ABL1: variants seen among roughly 807,000 people sequenced by gnomAD.
ABL1 encodes tyrosine-protein kinase ABL1.
Under a neutral mutation model 94.7 loss-of-function variants are expected in ABL1, and 11 were observed. The observed-to-expected ratio is 0.12, with a 90% CI of 0.07 to 0.19. The LOEUF (loss-of-function observed/expected upper bound fraction) is 0.19, where lower values mean the gene tolerates loss of function less well. Ranked by LOEUF, ABL1 falls within the 10% of genes least tolerant of loss-of-function variation. ABL1 has a pLI of 1.00. For synonymous variants in ABL1, 656 were observed against 622.4 expected (o/e 1.05, Z -0.80); for missense variants, 1,082 against 1,489.4 (o/e 0.73, Z 4.50).
In ABL1 at chr9:130,787,326, C is replaced by T. The variant is rs114025311; in HGVS notation, c.137-66738C>T. ...GCATTGTGTGCTTTCACCCTCCATGCCACCTGGACTCTGCCTTCTGTGTGT... is the reference window on the plus strand; with the variant it reads ...GCATTGTGTGCTTTCACCCTCCATGTCACCTGGACTCTGCCTTCTGTGTGT... On this transcript the variant is annotated intron_variant, in intron 1 of 10. Transcript: ENST00000372348. Among the ~76,000 whole-genome samples, 1,168 of 152,206 alleles carry T rather than the reference C, an allele frequency of 7.7e-3. 17 individuals are homozygous for T. The highest frequency in any genetic ancestry group is 0.026 in the African/African-American group (1,089 of 41,518).
intron 1 of ABL1, among the ~76,000 whole-genome samples, chr9:130,820,005 T>C (rs1402210009): frequency 6.6e-6 from 1 of 151,984 alleles, no homozygotes. Flanking sequence ...CTCTATACCC[T>C]ATCTTTGGTG....
chr9:130,838,492 T>C (rs2132922283), intron 1 of ABL1, among the ~76,000 whole-genome samples: 1 of 152,340 alleles, frequency 6.6e-6, no homozygotes, highest in African/African-American at 2.4e-5. Flanking sequence ...TAATTCCCTC[T>C]CCTATTCATT....
intron 1 of ABL1, among the ~76,000 whole-genome samples, chr9:130,748,800 C>T (rs943052629): frequency 6.6e-6 from 1 of 152,166 alleles, no homozygotes; most frequent in South Asian, 2.1e-4. Context: ...TGGTCTCGAA[C>T]TCCTGACCTC....
intron 1 of ABL1, among the ~76,000 whole-genome samples, chr9:130,799,310 T>C (rs1830024846): frequency 1.3e-5 from 2 of 152,174 alleles, no homozygotes; most frequent in Non-Finnish European, 2.9e-5. Context: ...GAAAGGGCCA[T>C]GGGAAAGAAT....
chr9:130,884,315 G>A lies in ABL1; in HGVS notation c.2025G>A (p.Glu675=). Residue 675 remains glutamate, a synonymous_variant, in exon 11 of 11, where the codon GAG becomes GAA. Coordinates refer to ENST00000318560, the MANE Select transcript of ABL1 (RefSeq NM_005157.6). The surrounding 1 kb of genome is among the most constrained non-coding windows in gnomAD (Gnocchi z 5.6). Reference sequence around the variant, plus strand: ...GGGTCCCCAATGGAGCCCTCCGGGAGTCCGGGGGCTCAGGCTTCCGGTCTC... The same window carrying A: ...GGGTCCCCAATGGAGCCCTCCGGGAATCCGGGGGCTCAGGCTTCCGGTCTC... ...GAGVPNGALR[E]SGGSGFRSPH... 1 of 1,611,718 alleles carries A rather than the reference G, an allele frequency of 6.2e-7. No homozygotes were observed. The highest frequency in any genetic ancestry group is 8.5e-7 in the Non-Finnish European group (1 of 1,179,308).
chr9:130,740,741 T>C (rs1283711880), intron 1 of ABL1, among the ~76,000 whole-genome samples: 1 of 151,828 alleles, frequency 6.6e-6, no homozygotes, highest in Non-Finnish European at 1.5e-5. Context: ...CTTCAGCCTG[T>C]AATTCCTAGG....
chr9:130,827,042 C>G (rs1395980907), intron 1 of ABL1, among the ~76,000 whole-genome samples: 1 of 152,132 alleles, frequency 6.6e-6, no homozygotes, highest in East Asian at 1.9e-4. Flanking sequence ...GGCGCCACTG[C>G]ACTCCAGCCT....
intron 1 of ABL1, among the ~76,000 whole-genome samples, chr9:130,721,534 C>A (rs1428134275): frequency 6.6e-6 from 1 of 152,106 alleles, no homozygotes; most frequent in Non-Finnish European, 1.5e-5. Flanking sequence ...CATGGCGAAA[C>A]CCCATCTCTA....
At chr9:130,840,203 C>G (rs3847190) in intron 1 of ABL1, among the ~76,000 whole-genome samples, 1 of 152,054 alleles carries the variant, frequency 6.6e-6, no homozygotes, top group African/African-American at 2.4e-5. Flanking sequence ...GTTTTTCTTG[C>G]TAATAAAGCA....
chr9:130,740,451 T>C (rs1831801757), intron 1 of ABL1, among the ~76,000 whole-genome samples: 1 of 152,256 alleles, frequency 6.6e-6, no homozygotes, highest in Non-Finnish European at 1.5e-5. Flanking sequence ...AGCTCCTTGC[T>C]GTGTGTATGA....
rs755654666 is a variant in ABL1 at position 130,884,173 on chromosome 9, C to A, written c.1883C>A (p.Pro628Gln). ...TCCTTCCGGGAGATGGACGGCCAGC[C>A]GGAGCGCAGAGGGGCCGGCGAGGAA... ...SSSFREMDGQPERRGAGEEEG... is the reference protein window; with the variant it reads ...SSSFREMDGQQERRGAGEEEG... The change falls in exon 11 of 11, where the codon CCG becomes CAG. Residue 628 changes from proline (P) to glutamine (Q), a missense_variant. Pro to Gln is a moderately conservative substitution (Grantham distance 76, BLOSUM62 -1). Around this residue, in one of 7 missense-constraint regions of ABL1, gnomAD observed 780 missense variants for 835.8 expected, o/e 0.93. Coordinates refer to ENST00000318560, the MANE Select transcript of ABL1 (RefSeq NM_005157.6). The surrounding 1 kb of genome is among the most constrained non-coding windows in gnomAD (Gnocchi z 5.6). The A allele has an allele frequency of 6.2e-7, 1 of 1,613,090 alleles. No homozygotes were observed.
chr9:130,846,719 C>T (rs1018797379), intron 1 of ABL1, among the ~76,000 whole-genome samples: 6 of 152,194 alleles, frequency 3.9e-5, no homozygotes, highest in Admixed American at 6.5e-5. Flanking sequence ...GTGAAGTAGC[C>T]GGTACTGGGG....
intron 1 of ABL1, among the ~76,000 whole-genome samples, chr9:130,774,969 G>A (rs1048854650): frequency 6.6e-6 from 1 of 152,084 alleles, no homozygotes; most frequent in African/African-American, 2.4e-5. Context: ...TTGAGTGAGA[G>A]GAAACAAAAA....
intron 4 of ABL1, among the ~76,000 whole-genome samples, chr9:130,869,071 G>T (rs1831207859): frequency 6.6e-6 from 1 of 152,034 alleles, no homozygotes; most frequent in Non-Finnish European, 1.5e-5. Flanking sequence ...GGAGGCTGAG[G>T]CAGGAGAATG....
rs1228763342 is a variant in ABL1, at chr9:130,716,913, G to A, written c.136+2458G>A. ...TTACAGGTGTGCACCACCATGCCTG[G>A]CTAATGGAGAATTTTTATCTGCCTC... On this transcript the variant is annotated intron_variant, in intron 1 of 10. Transcript: ENST00000372348. Among the ~76,000 whole-genome samples the A allele has an allele frequency of 2.6e-5, 4 of 151,556 alleles. No homozygotes were observed. The East Asian group carries it at 5.8e-4, about 22-fold the overall frequency.
At chr9:130,797,117 T>A (rs1246982561) in intron 1 of ABL1, among the ~76,000 whole-genome samples, 3 of 149,760 alleles carry the variant, frequency 2.0e-5, no homozygotes, top group Non-Finnish European at 4.4e-5. Flanking sequence ...GCGCCTGTAA[T>A]CCCAGCTACT....
At chr9:130,812,804 T>C (rs1397791882) in intron 1 of ABL1, among the ~76,000 whole-genome samples, 1 of 152,230 alleles carries the variant, frequency 6.6e-6, no homozygotes, top group Admixed American at 6.5e-5. Context: ...TATAATCAAC[T>C]GACTTGACTT....
intron 1 of ABL1, among the ~76,000 whole-genome samples, chr9:130,812,546 A>T (rs979749459): frequency 6.6e-6 from 1 of 151,350 alleles, no homozygotes; most frequent in African/African-American, 2.5e-5. Flanking sequence ...CCTTAGTGGC[A>T]TATTAAACAA....
At chr9:130,783,024 C>G (rs980144270) in intron 1 of ABL1, among the ~76,000 whole-genome samples, 7 of 152,200 alleles carry the variant, frequency 4.6e-5, no homozygotes, top group African/African-American at 1.7e-4. Context: ...CAAGAACACT[C>G]TCTTACACCA....
Sources: allele counts gnomAD v4.1 joint callset (sites outside exome capture counted in the v4.1 genomes callset), GRCh38; gene constraint gnomAD v4.1.1; regional missense constraint gnomAD v4.1.1; non-coding constraint Gnocchi (gnomAD v3.1); transcripts MANE v1.5; gene names NCBI Gene and HGNC (gene_info 2026-07-23, HGNC 2026-07-21).